Variants in ZNF407 observed in about 807,000 individuals in gnomAD.
ZNF407 encodes zinc finger protein 407.
A neutral mutation model predicts 131.2 loss-of-function variants in ZNF407; 17 were observed. That is an observed-to-expected ratio of 0.13 (90% CI 0.09 to 0.19). ZNF407 has a LOEUF of 0.19. Ranked by LOEUF, ZNF407 falls within the 10% of genes least tolerant of loss-of-function variation. The pLI, the probability that ZNF407 is intolerant of heterozygous loss-of-function variation, is 1.00. For missense variants in ZNF407, 2,681 were observed against 2,830.6 expected (o/e 0.95, Z 1.20); for synonymous variants, 1,156 against 1,062.0 (o/e 1.09, Z -1.72).
intron 4 of ZNF407, among the ~76,000 whole-genome samples, chr18:74,860,124 T>C (rs1970916763): frequency 6.6e-6 from 1 of 152,080 alleles, no homozygotes; most frequent in Non-Finnish European, 1.5e-5. Context: ...TGGGCAACAT[T>C]ACAAGACCCT....
intron 3 of ZNF407, among the ~76,000 whole-genome samples, chr18:74,759,914 A>C (rs1187975850): frequency 7.0e-6 from 1 of 143,544 alleles, no homozygotes; most frequent in African/African-American, 2.6e-5. Flanking sequence ...TTTTTCCCCC[A>C]GTATATAGGC....
At chr18:74,765,262 T>G (rs779646152) in intron 3 of ZNF407, among the ~76,000 whole-genome samples, 1 of 152,214 alleles carries the variant, frequency 6.6e-6, no homozygotes, top group Non-Finnish European at 1.5e-5. Context: ...CATTCTGGGT[T>G]GGTTGTATTT....
intron 4 of ZNF407, among the ~76,000 whole-genome samples, chr18:74,851,443 A>G (rs1390972073): frequency 6.6e-6 from 1 of 152,204 alleles, no homozygotes; most frequent in African/African-American, 2.4e-5. Context: ...TTACACATTT[A>G]TGTATTATAC....
rs1488116995 is a variant in ZNF407, at chr18:74,690,556, A to G, written c.4802+49434A>G. Among the ~76,000 whole-genome samples, 5 of 152,216 alleles carry G rather than the reference A, an allele frequency of 3.3e-5. No homozygotes were observed. In the East Asian group the frequency reaches 9.6e-4, roughly 29 times the overall value. Reference sequence around the variant, plus strand: ...CTTATGATTTTGAAAATCAGAAAGAATGTTAGGACAGGTATCCATATCCTT... The same window carrying G: ...CTTATGATTTTGAAAATCAGAAAGAGTGTTAGGACAGGTATCCATATCCTT... On this transcript the variant is annotated intron_variant, in intron 3 of 8. Transcript: ENST00000299687.
At chr18:74,775,979 A>C (rs891836618) in intron 3 of ZNF407, among the ~76,000 whole-genome samples, 2 of 152,178 alleles carry the variant, frequency 1.3e-5, no homozygotes, top group African/African-American at 2.4e-5. Flanking sequence ...TCCGTGACCA[A>C]TCACCACCCA....
intron 4 of ZNF407, among the ~76,000 whole-genome samples, chr18:74,847,320 C>G (rs904443778): frequency 6.6e-6 from 1 of 152,148 alleles, no homozygotes; most frequent in African/African-American, 2.4e-5. Context: ...CATCTCACTT[C>G]TCTCATATCA....
intron 3 of ZNF407, among the ~76,000 whole-genome samples, chr18:74,713,830 G>T (rs1967827933): frequency 6.6e-6 from 1 of 152,050 alleles, no homozygotes; most frequent in African/African-American, 2.4e-5. Flanking sequence ...GGTAAATTAT[G>T]TGCAATAGCC....
intron 4 of ZNF407, among the ~76,000 whole-genome samples, chr18:74,824,866 G>T (rs138449642): frequency 1.3e-5 from 2 of 152,118 alleles, no homozygotes; most frequent in African/African-American, 4.8e-5. Context: ...CATTTTGTGA[G>T]GTCAACATCA....
chr18:75,045,091 G>A (rs1973418409), intron 8 of ZNF407, among the ~76,000 whole-genome samples: 1 of 148,596 alleles, frequency 6.7e-6, no homozygotes, highest in Non-Finnish European at 1.5e-5. Flanking sequence ...TGTGGGGGGT[G>A]TGGGTGGGGT....
chr18:74,763,926 G>A (rs1324213299), intron 3 of ZNF407, among the ~76,000 whole-genome samples: 2 of 151,498 alleles, frequency 1.3e-5, no homozygotes, highest in Non-Finnish European at 2.9e-5. Context: ...TGTTAGCCAG[G>A]ATGGTCTCGA....
intron 3 of ZNF407, among the ~76,000 whole-genome samples, chr18:74,648,394 T>G (rs2092850196): frequency 6.6e-6 from 1 of 151,988 alleles, no homozygotes; most frequent in African/African-American, 2.4e-5. Context: ...TGGGCAGGGG[T>G]CAGGTCACAG....
intron 3 of ZNF407, among the ~76,000 whole-genome samples, chr18:74,641,570 A>T (rs1420098620): frequency 6.6e-6 from 1 of 152,238 alleles, no homozygotes; most frequent in Non-Finnish European, 1.5e-5. Flanking sequence ...ATTTAATTTC[A>T]GATGGCTGGT....
intron 8 of ZNF407, among the ~76,000 whole-genome samples, chr18:74,938,591 T>G (rs899603054): frequency 6.6e-6 from 1 of 152,234 alleles, no homozygotes; most frequent in African/African-American, 2.4e-5. Context: ...CTGTCCCATT[T>G]ATCCTTAGTA....
intron 4 of ZNF407, chr18:74,804,286 G>T: frequency 5.1e-6 from 6 of 1,165,528 alleles, no homozygotes; most frequent in South Asian, 7.9e-5. Flanking sequence ...TTATAAAATT[G>T]TCATCATCAA....
chr18:74,934,265 G>T (rs181627886), intron 8 of ZNF407, among the ~76,000 whole-genome samples: 1 of 152,258 alleles, frequency 6.6e-6, no homozygotes, highest in African/African-American at 2.4e-5. Context: ...TAGTATAGAT[G>T]AATTTAATCA....
chr18:74,792,377 C>A (rs941047080), intron 4 of ZNF407, among the ~76,000 whole-genome samples: 6 of 150,938 alleles, frequency 4.0e-5, no homozygotes, highest in Admixed American at 1.3e-4. Context: ...ATAATTTCTC[C>A]TTTCATTGTC....
chr18:74,766,065 G>C (rs963849129), intron 3 of ZNF407, among the ~76,000 whole-genome samples: 6 of 149,998 alleles, frequency 4.0e-5, no homozygotes, highest in Non-Finnish European at 8.9e-5. Context: ...GTCTGTGTCT[G>C]TGTGTCTGTG....
intron 8 of ZNF407, among the ~76,000 whole-genome samples, chr18:74,959,532 G>A (rs117871894): frequency 1.3e-5 from 2 of 152,176 alleles, no homozygotes; most frequent in Non-Finnish European, 2.9e-5. Context: ...CTTTTGTTCT[G>A]TTGAGGTTGT....
intron 7 of ZNF407, among the ~76,000 whole-genome samples, chr18:74,913,301 C>T (rs1043599476): frequency 1.6e-4 from 25 of 152,158 alleles, no homozygotes; most frequent in African/African-American, 6.0e-4. Flanking sequence ...TGGAAACATC[C>T]TAAATGCCCA....
Sources: allele counts gnomAD v4.1 joint callset (sites outside exome capture counted in the v4.1 genomes callset), GRCh38; gene constraint gnomAD v4.1.1; transcripts MANE v1.5; gene names NCBI Gene and HGNC (gene_info 2026-07-23, HGNC 2026-07-21).